The following MAP4K3 variants were observed in gnomAD, a reference collection of about 807,000 sequenced individuals.
MAP4K3 encodes mitogen-activated protein kinase kinase kinase kinase 3.
Under a neutral mutation model 143.5 loss-of-function variants are expected in MAP4K3, and 94 were observed. The ratio of observed to expected loss-of-function variants is 0.65; its 90% CI spans 0.55 to 0.78. The LOEUF (loss-of-function observed/expected upper bound fraction) is 0.78. Ranked by LOEUF, MAP4K3 falls within the 30% of genes least tolerant of loss-of-function variation. The pLI is 0.00. For synonymous variants in MAP4K3, 416 were observed against 347.2 expected, an observed-to-expected ratio of 1.20 and a Z score of -2.20; for missense variants, 1,077 against 1,068.1, an observed-to-expected ratio of 1.01 and a Z score of -0.12.
At chr2:39,311,985 CA>C (rs143064625) in intron 13 of MAP4K3, among the ~76,000 whole-genome samples, 10,295 of 151,948 alleles carry the variant, frequency 0.068, 1,184 homozygotes, top group African/African-American at 0.24. Flanking sequence ...GAATGAAGAG[CA>C]AAAAATTGGT....
At position 39,272,546 on chromosome 2, in the gene MAP4K3, AT is replaced by A. The variant is rs1681073464; in HGVS notation, c.1795-5del. 8 of 1,612,642 alleles carry A rather than the reference AT, an allele frequency of 5.0e-6. No homozygotes were observed. The highest frequency in any genetic ancestry group is 5.9e-6 in the Non-Finnish European group (7 of 1,179,052). On this transcript the variant is annotated splice_polypyrimidine_tract_variant and splice_region_variant and intron_variant, in intron 24 of 33. Coordinates refer to ENST00000263881, the MANE Select transcript of MAP4K3 (RefSeq NM_003618.4). ...ATGTACACCTTCGAGGGAATAGCTG[AT>A]TAAAAAAAGGCACAAAGTTTACAAA...
chr2:39,319,406 T>A (rs1321850471), intron 12 of MAP4K3, among the ~76,000 whole-genome samples: 1 of 152,116 alleles, frequency 6.6e-6, no homozygotes, highest in African/African-American at 2.4e-5. Context: ...TGCAGATTAC[T>A]TGGGGATACA....
chr2:39,289,902 T>C (rs1681959343), intron 19 of MAP4K3, among the ~76,000 whole-genome samples: 1 of 152,116 alleles, frequency 6.6e-6, no homozygotes, highest in South Asian at 2.1e-4. Context: ...CTGGCCAACA[T>C]GGCAAAACCC....
In MAP4K3 at chr2:39,290,281, A is replaced by C; in HGVS notation, c.1314+11T>G. 2 of 1,594,394 alleles carry C rather than the reference A, an allele frequency of 1.3e-6. No individual in the cohort carries two copies. The highest frequency in any genetic ancestry group is 1.7e-6 in the Non-Finnish European group (2 of 1,172,122). ...CACACATATATCAAATTGAAAAATA[A>C]ATCTGTCTACCTTTGGTGGCAAAGG... On this transcript the variant is annotated intron_variant, in intron 19 of 33. Transcript: ENST00000263881.
intron 8 of MAP4K3, among the ~76,000 whole-genome samples, chr2:39,329,461 C>T (rs963986534): frequency 6.6e-6 from 1 of 151,982 alleles, no homozygotes; most frequent in Non-Finnish European, 1.5e-5. Flanking sequence ...TAAGCAGGTG[C>T]CAAGGAAAAG....
At chr2:39,265,456 C>T (rs1680728194) in intron 27 of MAP4K3, 150 bp from the exon 28 acceptor site, 1 of 672,888 alleles carries the variant, frequency 1.5e-6, no homozygotes, top group Admixed American at 2.7e-5. Context: ...AATTAGAGGG[C>T]TGGGTGAAAA....
rs185627033 is a variant in MAP4K3 at position 39,309,845 on chromosome 2, A to G, written c.998-326T>C. On this transcript the variant is annotated intron_variant, in intron 13 of 33. Transcript: ENST00000263881. ...AGTGCTGAGATTACAGGAGTGAGCC[A>G]CTGCGCCCGGCCAAAACCAGGATGT... 7.2e-3 allele frequency among the ~76,000 whole-genome samples: 1,089 copies of G among 152,218 alleles called. 16 individuals carry two copies. The highest frequency in any genetic ancestry group is 0.025 in the African/African-American group (1,019 of 41,540).
intron 1 of MAP4K3, among the ~76,000 whole-genome samples, chr2:39,420,290 A>C (rs1667510039): frequency 6.6e-6 from 1 of 152,388 alleles, no homozygotes; most frequent in Non-Finnish European, 1.5e-5. Flanking sequence ...TTAAAACTAA[A>C]GACCATAACT....
chr2:39,338,694 A>C (rs1211996), intron 4 of MAP4K3, among the ~76,000 whole-genome samples: 11,713 of 152,278 alleles, frequency 0.077, 636 homozygotes, highest in South Asian at 0.18. Flanking sequence ...TTAATCTCAA[A>C]GAGGCAGGAC....
At chr2:39,285,984 A>G (rs775813612) in intron 21 of MAP4K3, among the ~76,000 whole-genome samples, 45 of 152,290 alleles carry the variant, frequency 3.0e-4, no homozygotes, top group Admixed American at 2.3e-3. Context: ...AACATTTGTG[A>G]TAGGAGTAGC....
chr2:39,290,311 G>T lies in MAP4K3; in HGVS notation c.1295C>A (p.Pro432Gln). ...SKHSTLKAKI[P>Q]PPLPPKPKSI... ...GTCTACCTTTGGTGGCAAAGGAGGT[G>T]GAATTTTTGCTTTCAGAGTTGAGCT... Residue 432 changes from proline (P) to glutamine (Q), a missense_variant, in exon 19 of 34, where the codon CCA becomes CAA. Pro to Gln is a moderately conservative substitution (Grantham distance 76). Coordinates refer to ENST00000263881, the MANE Select transcript of MAP4K3 (RefSeq NM_003618.4). 6.2e-7 allele frequency: 1 copy of T among 1,607,100 alleles called. No individual in the cohort carries two copies. The highest frequency in any genetic ancestry group is 1.3e-5 in the African/African-American group (1 of 74,570).
chr2:39,357,216 T>G (rs1665637447), intron 2 of MAP4K3, among the ~76,000 whole-genome samples: 3 of 152,236 alleles, frequency 2.0e-5, no homozygotes, highest in Admixed American at 1.3e-4. Context: ...GAAACAGAAC[T>G]GCAGTGAATG....
chr2:39,312,671 G>C (rs1450716871), intron 13 of MAP4K3, among the ~76,000 whole-genome samples: 1 of 152,176 alleles, frequency 6.6e-6, no homozygotes, highest in Non-Finnish European at 1.5e-5. Context: ...ATGGCCCTTA[G>C]ATCTGATAAG....
chr2:39,251,801 T>C, intron 33 of MAP4K3, 29 bp downstream of exon 33: 1 of 1,580,618 alleles, frequency 6.3e-7, no homozygotes. Flanking sequence ...CGTTTAGTAC[T>C]GTGTATTTAA....
chr2:39,262,792 T>G (rs1009750492), intron 28 of MAP4K3, among the ~76,000 whole-genome samples: 21 of 152,170 alleles, frequency 1.4e-4, no homozygotes, highest in Middle Eastern at 3.2e-3. Context: ...CTTTAATTTT[T>G]AACTTTTATT....
At position 39,341,605 on chromosome 2, in the gene MAP4K3, G is replaced by A. The variant is rs78827680; in HGVS notation, c.310+1783C>T. 1.2e-3 allele frequency among the ~76,000 whole-genome samples: 176 copies of A among 151,426 alleles called. No individual in the cohort carries two copies. The East Asian group carries it at 0.025, about 21-fold the overall frequency. ...CGGGAGGTGGAGGTTGCAGTGAGCC[G>A]AGATAGCACCACTGCACTCCAGCCT... is the stretch of plus-strand genomic sequence containing the variant. On this transcript the variant is annotated intron_variant, in intron 4 of 33. Coordinates refer to ENST00000263881, the MANE Select transcript of MAP4K3 (RefSeq NM_003618.4).
intron 1 of MAP4K3, among the ~76,000 whole-genome samples, chr2:39,423,877 A>C (rs1298572732): frequency 6.6e-6 from 1 of 152,274 alleles, no homozygotes; most frequent in Non-Finnish European, 1.5e-5. Flanking sequence ...TGTGCAACAC[A>C]GAGTGATGCC....
At chr2:39,332,809 C>A (rs984604426) in intron 7 of MAP4K3, among the ~76,000 whole-genome samples, 1 of 151,950 alleles carries the variant, frequency 6.6e-6, no homozygotes, top group Non-Finnish European at 1.5e-5. Flanking sequence ...ATTCTTAAAT[C>A]TGATTAATCT....
intron 15 of MAP4K3, among the ~76,000 whole-genome samples, chr2:39,307,630 C>A (rs1353457618): frequency 1.3e-5 from 2 of 150,984 alleles, no homozygotes; most frequent in Admixed American, 6.6e-5. Context: ...CAAGTTACAT[C>A]ATTAAACTGG....
Sources: gnomAD v4.1 joint callset for allele counts (sites outside exome capture counted in the v4.1 genomes callset) on GRCh38, gnomAD v4.1.1 for gene constraint, MANE v1.5 for transcripts, NCBI Gene and HGNC (gene_info 2026-07-23, HGNC 2026-07-21) for gene names.